LMBRD1: variants seen among roughly 807,000 people sequenced by gnomAD.
LMBRD1 encodes the protein LMBR1 domain containing 1, also known as lysosomal cobalamin transport escort protein LMBD1.
A neutral mutation model predicts 74.8 loss-of-function variants in LMBRD1; 64 were observed. The ratio of observed to expected loss-of-function variants is 0.86; its 90% CI spans 0.70 to 1.05. The LOEUF (loss-of-function observed/expected upper bound fraction) is 1.05, where lower values mean the gene tolerates loss of function less well. Among genes scored for constraint, LMBRD1 ranks in the 50% least tolerant of loss-of-function variants. LMBRD1 has a pLI of 0.00. For missense variants in LMBRD1, 652 were observed against 645.9 expected (o/e 1.01, Z -0.10); for synonymous variants, 204 against 216.3 (o/e 0.94, Z 0.50).
chr6:69,778,360 G>T (rs1421197678), intron 3 of LMBRD1, among the ~76,000 whole-genome samples: 1 of 152,130 alleles, frequency 6.6e-6, no homozygotes, highest in Non-Finnish European at 1.5e-5. Flanking sequence ...AGTGGATTGA[G>T]GACACACCAT....
Position 69,796,842 on chromosome 6 carries a change from C to G in LMBRD1, c.40G>C (p.Gly14Arg), listed in dbSNP as rs779667411. 1.2e-6 allele frequency: 2 copies of G among 1,614,102 alleles called. No individual in the cohort carries two copies. The highest frequency in any genetic ancestry group is 1.7e-6 in the Non-Finnish European group (2 of 1,180,026). The change falls in exon 1 of 16, where the codon GGC becomes CGC. Residue 14 changes from glycine to arginine, a missense_variant. Transcript: ENST00000649934. ...AGTAAGAGGCCGAATATGCACCAGC[C>G]GATCACCAGCTCCGCCGAGGCCGCG... ...SGAASAELVI[G>R]WCIFGLLLLA...
At chr6:69,789,311 C>G (rs1766029699) in intron 2 of LMBRD1, among the ~76,000 whole-genome samples, 1 of 152,018 alleles carries the variant, frequency 6.6e-6, no homozygotes, top group South Asian at 2.1e-4. Flanking sequence ...TCACTCGAGG[C>G]CAGAAGTTTA....
Position 69,697,554 on chromosome 6 carries a change from T to C in LMBRD1, c.1417+9A>G, listed in dbSNP as rs763882735. ...AAAAGTTGTAAGTTCTAAAACAAGC[T>C]GTTTTTACCTTCAGGAGCATCTGCA... On this transcript the variant is annotated intron_variant, in intron 14 of 15. Transcript: ENST00000649934. The C allele has an allele frequency of 6.4e-6, 10 of 1,571,514 alleles. No individual in the cohort carries two copies. In the East Asian group the frequency reaches 2.2e-4, roughly 35 times the overall value.
intron 3 of LMBRD1, among the ~76,000 whole-genome samples, chr6:69,775,948 T>C (rs1207952099): frequency 6.6e-6 from 1 of 152,216 alleles, no homozygotes; most frequent in Non-Finnish European, 1.5e-5. Flanking sequence ...ATGATAAAAC[T>C]GAAGCTTTCA....
In LMBRD1 at chr6:69,677,727, G is replaced by C. The variant is rs1485198463; in HGVS notation, c.1418-1186C>G. Among the ~76,000 whole-genome samples, 4 of 151,958 alleles carry C rather than the reference G, an allele frequency of 2.6e-5. No homozygotes were observed. The East Asian group carries it at 7.7e-4, about 29-fold the overall frequency. On this transcript the variant is annotated intron_variant, in intron 14 of 15. Coordinates refer to ENST00000649934, the MANE Select transcript of LMBRD1 (RefSeq NM_018368.4). ...TTTTTATGACTGCTATTGAATGGAT[G>C]ACTACTACTTCTAAAGAAATAGGAA...
In LMBRD1 at chr6:69,699,503, T is replaced by C. The variant is rs140699320; in HGVS notation, c.1189-311A>G. 4.8e-3 allele frequency among the ~76,000 whole-genome samples: 721 copies of C among 151,784 alleles called. 8 individuals are homozygous for C. Among genetic ancestry groups the C allele is most frequent in the Middle Eastern group, 0.017 (5 of 294 alleles). The stretch of plus-strand genomic sequence containing the variant: ...TAAACTACAAGTATCAGTAATATAC[T>C]ATGGTTTTATATAATTTTTTATAAT... On this transcript the variant is annotated intron_variant, in intron 12 of 15. Transcript: ENST00000649934.
At chr6:69,749,932 ACTCATATATACATATAT>A in intron 4 of LMBRD1, among the ~76,000 whole-genome samples, 1 of 80,626 alleles carries the variant, frequency 1.2e-5, no homozygotes, top group Non-Finnish European at 2.0e-5. Flanking sequence ...ACATATACAT[ACTCATATATACATATAT>A]AAGTATATAT....
chr6:69,723,532 C>T (rs1323255075), intron 7 of LMBRD1, among the ~76,000 whole-genome samples: 1 of 151,960 alleles, frequency 6.6e-6, no homozygotes, highest in Admixed American at 6.6e-5. Flanking sequence ...GAGAACTATA[C>T]AAACACATGG....
chr6:69,780,274 G>A (rs1467078470), intron 3 of LMBRD1, among the ~76,000 whole-genome samples: 1 of 151,940 alleles, frequency 6.6e-6, no homozygotes, highest in Non-Finnish European at 1.5e-5. Flanking sequence ...TGGTTTTGGA[G>A]CTCCCCTCCC....
At chr6:69,701,632 A>G in intron 10 of LMBRD1, 87 bp from the exon 11 acceptor site, 1 of 799,796 alleles carries the variant, frequency 1.3e-6, no homozygotes, top group Non-Finnish European at 2.1e-6. Context: ...GCATGCAAAT[A>G]CACCTGAGTC....
intron 3 of LMBRD1, among the ~76,000 whole-genome samples, chr6:69,765,786 G>A (rs949199446): frequency 6.6e-6 from 1 of 151,964 alleles, no homozygotes; most frequent in Non-Finnish European, 1.5e-5. Context: ...ATCTTCTTTA[G>A]TTTCTATCAG....
chr6:69,759,572 G>T (rs1224598508), intron 3 of LMBRD1, among the ~76,000 whole-genome samples: 1 of 151,674 alleles, frequency 6.6e-6, no homozygotes, highest in Non-Finnish European at 1.5e-5. Context: ...CCACTTGAAA[G>T]AATAAACCAA....
intron 7 of LMBRD1, among the ~76,000 whole-genome samples, chr6:69,733,735 C>T (rs74545710): frequency 0.018 from 2,709 of 152,284 alleles, 77 homozygotes; most frequent in African/African-American, 0.06. Context: ...TCTATCCACA[C>T]TCCCCCAACC....
At chr6:69,756,193 T>C (rs1765263228) in intron 3 of LMBRD1, among the ~76,000 whole-genome samples, 1 of 151,940 alleles carries the variant, frequency 6.6e-6, no homozygotes, top group African/African-American at 2.4e-5. Flanking sequence ...AGATCCCGTC[T>C]CTACTAAAAA....
At chr6:69,727,322 C>G (rs923947156) in intron 7 of LMBRD1, among the ~76,000 whole-genome samples, 2 of 152,176 alleles carry the variant, frequency 1.3e-5, no homozygotes, top group African/African-American at 4.8e-5. Flanking sequence ...TATACAGCTA[C>G]TACGTACCCA....
At chr6:69,790,530 G>A (rs1345158268) in intron 1 of LMBRD1, 58 bp from the exon 2 acceptor site, 12 of 1,548,860 alleles carry the variant, frequency 7.7e-6, no homozygotes, top group Non-Finnish European at 9.8e-6. Context: ...TCTGATTTTT[G>A]TATGTGTTTG....
chr6:69,696,918 C>T (rs887438230), intron 14 of LMBRD1, among the ~76,000 whole-genome samples: 1 of 151,370 alleles, frequency 6.6e-6, no homozygotes, highest in Non-Finnish European at 1.5e-5. Context: ...GATTAGAAAA[C>T]ACTTTTACAA....
At chr6:69,785,625 A>G (rs1765929010) in intron 2 of LMBRD1, among the ~76,000 whole-genome samples, 1 of 152,168 alleles carries the variant, frequency 6.6e-6, no homozygotes, top group South Asian at 2.1e-4. Flanking sequence ...CTAATCTATC[A>G]GCAGATCCCA....
intron 14 of LMBRD1, among the ~76,000 whole-genome samples, chr6:69,677,463 TG>T (rs1387511602): frequency 6.6e-6 from 1 of 152,048 alleles, no homozygotes; most frequent in Non-Finnish European, 1.5e-5. Context: ...ATGACATGGT[TG>T]GGGGAAGAGA....
Sources: gnomAD v4.1 joint callset for allele counts (sites outside exome capture counted in the v4.1 genomes callset) on GRCh38, gnomAD v4.1.1 for gene constraint, MANE v1.5 for transcripts, NCBI Gene and HGNC (gene_info 2026-07-23, HGNC 2026-07-21) for gene names.